PAQR5: variants seen among roughly 807,000 people sequenced by gnomAD.
PAQR5 encodes the protein membrane progestin receptor gamma.
In PAQR5, 20 loss-of-function variants were observed where a neutral mutation model predicts 34.5. The observed-to-expected ratio is 0.58, with a 90% CI of 0.41 to 0.84. The LOEUF (loss-of-function observed/expected upper bound fraction) is 0.84. Among genes scored for constraint, PAQR5 ranks in the 40% least tolerant of loss-of-function variants. The pLI is 0.00. For missense variants in PAQR5, 378 were observed against 412.7 expected (o/e 0.92, Z 0.73); for synonymous variants, 131 against 155.6 (o/e 0.84, Z 1.18).
chr15:69,391,618 G>C (rs980720632), intron 6 of PAQR5: 12 of 455,892 alleles, frequency 2.6e-5, no homozygotes, highest in African/African-American at 4.0e-5. Flanking sequence ...CTTGGACCTG[G>C]TCCTTGGACC....
At chr15:69,373,998 T>C (rs2055633744) in intron 3 of PAQR5, among the ~76,000 whole-genome samples, 1 of 152,224 alleles carries the variant, frequency 6.6e-6, no homozygotes, top group East Asian at 1.9e-4. Context: ...CTGATATTCA[T>C]CATTTATTTC....
At chr15:69,374,719 C>T (rs1185704601) in intron 3 of PAQR5, among the ~76,000 whole-genome samples, 1 of 152,096 alleles carries the variant, frequency 6.6e-6, no homozygotes, top group African/African-American at 2.4e-5. Flanking sequence ...ATGGCCTCCC[C>T]CTTTTCCCTC....
At chr15:69,369,023 C>T (rs575503507) in intron 3 of PAQR5, among the ~76,000 whole-genome samples, 170 of 152,316 alleles carry the variant, frequency 1.1e-3, no homozygotes, top group Middle Eastern at 3.4e-3. Context: ...CCACCCACCA[C>T]GGCCCCCAAA....
intron 4 of PAQR5, 124 bp downstream of exon 4, chr15:69,380,134 G>C: frequency 9.9e-7 from 1 of 1,008,032 alleles, no homozygotes; most frequent in African/African-American, 1.6e-5. Flanking sequence ...TCCCCCGTGG[G>C]TACACGCGGG....
At chr15:69,388,866 T>C (rs1006064162) in intron 5 of PAQR5, among the ~76,000 whole-genome samples, 1 of 152,248 alleles carries the variant, frequency 6.6e-6, no homozygotes, top group Non-Finnish European at 1.5e-5. Flanking sequence ...GGCCTTGGGC[T>C]GCCTCCCTTA....
In PAQR5 at chr15:69,320,048, C is replaced by T. The variant is rs148470745; in HGVS notation, c.-276-17293C>T. On this transcript the variant is annotated intron_variant, in intron 1 of 8. Coordinates refer to ENST00000395407, the MANE Select transcript of PAQR5 (RefSeq NM_017705.4). ...GTGGAGATAGGATCTCGCCTTCCCCCGCAGCCAGAGCCTTCCCCGTTGGGG... is the reference window on the plus strand; with the variant it reads ...GTGGAGATAGGATCTCGCCTTCCCCTGCAGCCAGAGCCTTCCCCGTTGGGG... Among the ~76,000 whole-genome samples, 521 of 152,388 alleles carry T rather than the reference C, an allele frequency of 3.4e-3. 4 individuals carry two copies. The highest frequency in any genetic ancestry group is 0.012 in the African/African-American group (507 of 41,584).
At position 69,358,633 on chromosome 15, in the gene PAQR5, A is replaced by AT. The variant is rs71149910; in HGVS notation, c.-115-1317dup. On this transcript the variant is annotated intron_variant, in intron 2 of 8. Transcript: ENST00000395407. ...GCCCTTTTCTTTTCAGCTCTGTGGC[A>AT]TTTTTTTTTTTTTTTTGAGACAGAT... 1.4e-4 allele frequency among the ~76,000 whole-genome samples: 12 copies of AT among 84,480 alleles called. No homozygotes were observed. The East Asian group carries it at 1.7e-3, about 12-fold the overall frequency. 55.4% of individuals were successfully genotyped at this position (84,480 alleles called of 152,430 possible). A position where few individuals can be genotyped will look rare whatever the true frequency, so the allele number is the denominator to read the frequency against.
intron 1 of PAQR5, among the ~76,000 whole-genome samples, chr15:69,336,139 T>A (rs1485727753): frequency 6.6e-6 from 1 of 152,196 alleles, no homozygotes; most frequent in Admixed American, 6.5e-5. Flanking sequence ...AGGCTTTCTT[T>A]TTTAAAAAAA....
intron 2 of PAQR5, among the ~76,000 whole-genome samples, chr15:69,356,567 A>G (rs1320659640): frequency 6.6e-6 from 1 of 152,202 alleles, no homozygotes; most frequent in African/African-American, 2.4e-5. Context: ...TTGTGCAACC[A>G]TCGCCATCAT....
chr15:69,316,411 G>A (rs911740601), intron 1 of PAQR5, among the ~76,000 whole-genome samples: 1 of 151,844 alleles, frequency 6.6e-6, no homozygotes, highest in African/African-American at 2.4e-5. Flanking sequence ...TTTTGCCTCA[G>A]CCCTTTAAAA....
At chr15:69,323,313 C>A (rs1419297184) in intron 1 of PAQR5, among the ~76,000 whole-genome samples, 1 of 152,230 alleles carries the variant, frequency 6.6e-6, no homozygotes, top group Non-Finnish European at 1.5e-5. Context: ...TGAGAGTGCT[C>A]CCACCAGCCT....
At chr15:69,329,512 C>T (rs1267638069) in intron 1 of PAQR5, among the ~76,000 whole-genome samples, 1 of 124,792 alleles carries the variant, frequency 8.0e-6, no homozygotes, top group African/African-American at 3.1e-5. Context: ...TGCTCTGTCA[C>T]CTCGCTCTGT....
intron 1 of PAQR5, among the ~76,000 whole-genome samples, chr15:69,300,989 T>C (rs1359259405): frequency 2.8e-5 from 3 of 106,750 alleles, no homozygotes; most frequent in African/African-American, 1.1e-4. Flanking sequence ...CTTTCTTTCT[T>C]TCTTTCTTTC....
At chr15:69,332,947 G>C (rs1910381) in intron 1 of PAQR5, among the ~76,000 whole-genome samples, 1 of 151,758 alleles carries the variant, frequency 6.6e-6, no homozygotes, top group East Asian at 1.9e-4. Context: ...TGTTAAAGTC[G>C]GGTAATAAAA....
intron 1 of PAQR5, among the ~76,000 whole-genome samples, chr15:69,301,379 G>A (rs779931313): frequency 6.6e-6 from 1 of 152,146 alleles, no homozygotes; most frequent in Non-Finnish European, 1.5e-5. Context: ...AGGCTGGTGG[G>A]TTCCATGCCA....
chr15:69,372,416 G>A (rs1319083386), intron 3 of PAQR5, among the ~76,000 whole-genome samples: 2 of 152,152 alleles, frequency 1.3e-5, no homozygotes, highest in African/African-American at 2.4e-5. Context: ...GGTGGCACAT[G>A]CCTGTAATTC....
At chr15:69,389,616 G>T (rs1468005906) in intron 5 of PAQR5, 38 bp from the exon 6 acceptor site, 7 of 1,613,058 alleles carry the variant, frequency 4.3e-6, no homozygotes, top group Non-Finnish European at 5.9e-6. Flanking sequence ...TGGTGCCAAG[G>T]CCTGGCTCCT....
chr15:69,366,571 CT>C, intron 3 of PAQR5, among the ~76,000 whole-genome samples: 1 of 152,150 alleles, frequency 6.6e-6, no homozygotes, highest in East Asian at 1.9e-4. Flanking sequence ...AGAATGCCCC[CT>C]GTATTATTCC....
chr15:69,351,012 G>A (rs1471215769), intron 2 of PAQR5, among the ~76,000 whole-genome samples: 1 of 152,198 alleles, frequency 6.6e-6, no homozygotes, highest in Non-Finnish European at 1.5e-5. Flanking sequence ...GAGGCTCATA[G>A]AGGTGAGCTG....
Sources: gnomAD v4.1 joint callset for allele counts (sites outside exome capture counted in the v4.1 genomes callset) on GRCh38, gnomAD v4.1.1 for gene constraint, MANE v1.5 for transcripts, NCBI Gene and HGNC (gene_info 2026-07-23, HGNC 2026-07-21) for gene names.